Variants in RANBP2 observed in about 807,000 individuals in gnomAD.
RANBP2 encodes E3 SUMO-protein ligase RanBP2.
In RANBP2, 57 loss-of-function variants were observed where a neutral mutation model predicts 303.6. The ratio of observed to expected loss-of-function variants is 0.19; its 90% CI spans 0.15 to 0.23. RANBP2 has a LOEUF of 0.23. RANBP2 is among the 10% of genes least tolerant of loss of function. RANBP2 has a pLI of 1.00. For synonymous variants in RANBP2, 1,167 were observed against 1,301.5 expected (o/e 0.90, Z 2.23); for missense variants, 3,138 against 3,780.8 (o/e 0.83, Z 4.46).
chr2:109,075,579 C>CAAAAAAAA, the RANBP2 span, among the ~76,000 whole-genome samples: 6 of 109,690 alleles, frequency 5.5e-5, no homozygotes, highest in South Asian at 3.3e-4. Flanking sequence ...CTTAGACAAA[C>CAAAAAAAA]AAAAAAAAAA....
At chr2:108,749,400 T>C (rs540912078) in intron 9 of RANBP2, among the ~76,000 whole-genome samples, 200 of 152,196 alleles carry the variant, frequency 1.3e-3, no homozygotes, top group Non-Finnish European at 1.8e-3. Context: ...CAGGTTCAAG[T>C]GATTCTGCTG....
At chr2:109,096,446 T>G in the RANBP2 span, among the ~76,000 whole-genome samples, 2 of 152,246 alleles carry the variant, frequency 1.3e-5, no homozygotes, top group Non-Finnish European at 2.9e-5. Flanking sequence ...TCTTTGACTG[T>G]GGCTGCCCTA....
At chr2:109,535,589 C>A in the RANBP2 span, among the ~76,000 whole-genome samples, 1 of 152,154 alleles carries the variant, frequency 6.6e-6, no homozygotes, top group African/African-American at 2.4e-5. Context: ...GGTGATGCTA[C>A]CTGTAGGGGC....
chr2:109,078,155 G>A, the RANBP2 span, among the ~76,000 whole-genome samples: 10 of 93,030 alleles, frequency 1.1e-4, no homozygotes, highest in Admixed American at 3.3e-4. Flanking sequence ...TATATAGCAT[G>A]TATATATATA....
At chr2:108,824,885 C>T in the RANBP2 span, among the ~76,000 whole-genome samples, 8 of 152,016 alleles carry the variant, frequency 5.3e-5, no homozygotes, top group African/African-American at 1.9e-4. Flanking sequence ...CTCATGGGAC[C>T]AGCATTGTTA....
chr2:108,986,834 G>T, the RANBP2 span, among the ~76,000 whole-genome samples: 14 of 152,174 alleles, frequency 9.2e-5, no homozygotes, highest in Admixed American at 2.6e-4. Context: ...AGAATCGTAG[G>T]CATTGAGATG....
the RANBP2 span, among the ~76,000 whole-genome samples, chr2:109,715,817 T>G: frequency 6.6e-6 from 1 of 152,166 alleles, no homozygotes; most frequent in South Asian, 2.1e-4. Flanking sequence ...GCCCCAGCCA[T>G]TTGAGCTATG....
chr2:109,711,683 T>C, the RANBP2 span, among the ~76,000 whole-genome samples: 1 of 152,154 alleles, frequency 6.6e-6, no homozygotes, highest in Non-Finnish European at 1.5e-5. Context: ...TGTCCTGGCC[T>C]CTGCCTGAAA....
chr2:109,447,054 G>A, the RANBP2 span, among the ~76,000 whole-genome samples: 1 of 150,682 alleles, frequency 6.6e-6, no homozygotes, highest in African/African-American at 2.4e-5. Context: ...GGATCTGCGT[G>A]ATTGCCTGAC....
chr2:109,420,282 C>CA, the RANBP2 span, among the ~76,000 whole-genome samples: 4 of 152,172 alleles, frequency 2.6e-5, no homozygotes, highest in African/African-American at 9.7e-5. Context: ...TGGCAGAGCT[C>CA]AGTCACTTGA....
At chr2:109,627,844 C>T in the RANBP2 span, among the ~76,000 whole-genome samples, 1 of 152,236 alleles carries the variant, frequency 6.6e-6, no homozygotes, top group African/African-American at 2.4e-5. Context: ...GGTCTATTCT[C>T]ATTGCTATAT....
At chr2:109,167,074 G>A in the RANBP2 span, among the ~76,000 whole-genome samples, 1 of 152,196 alleles carries the variant, frequency 6.6e-6, no homozygotes, top group African/African-American at 2.4e-5. Flanking sequence ...AGGCCAGTGG[G>A]AACCCAGAAG....
chr2:109,703,474 G>A, the RANBP2 span, among the ~76,000 whole-genome samples: 1 of 152,184 alleles, frequency 6.6e-6, no homozygotes, highest in African/African-American at 2.4e-5. Context: ...TGTCGCCCAG[G>A]CTGGAGTGCA....
the RANBP2 span, among the ~76,000 whole-genome samples, chr2:109,474,283 G>A: frequency 2.6e-5 from 4 of 152,198 alleles, no homozygotes; most frequent in Non-Finnish European, 5.9e-5. Flanking sequence ...AAGAGCTGAA[G>A]TTTTGAGCCG....
chr2:109,565,938 A>G, the RANBP2 span: 1 of 1,251,708 alleles, frequency 8.0e-7, no homozygotes, highest in East Asian at 2.3e-5. Flanking sequence ...GTGAGAGAGA[A>G]GAGAATAATT....
the RANBP2 span, chr2:108,798,453 T>C: frequency 6.2e-7 from 1 of 1,613,470 alleles, no homozygotes; most frequent in African/African-American, 1.3e-5. Context: ...CAACAGAAAT[T>C]TGCTGAAGAA....
At chr2:109,652,292 G>A in the RANBP2 span, among the ~76,000 whole-genome samples, 6,273 of 150,832 alleles carry the variant, frequency 0.042, 253 homozygotes, top group East Asian at 0.17. Context: ...GCGCCATCTC[G>A]GCTCACTGCA....
At chr2:109,016,772 G>T in the RANBP2 span, among the ~76,000 whole-genome samples, 1 of 152,370 alleles carries the variant, frequency 6.6e-6, no homozygotes, top group African/African-American at 2.4e-5. Context: ...GAGAATAAAT[G>T]ATTATGTGAA....
chr2:109,558,276 A>G, the RANBP2 span, among the ~76,000 whole-genome samples: 1 of 152,226 alleles, frequency 6.6e-6, no homozygotes, highest in African/African-American at 2.4e-5. Context: ...AACTTTTTCC[A>G]AGTCTACTAT....
Sources: gnomAD v4.1 joint callset for allele counts (sites outside exome capture counted in the v4.1 genomes callset) on GRCh38, gnomAD v4.1.1 for gene constraint, MANE v1.5 for transcripts, NCBI Gene and HGNC (gene_info 2026-07-23, HGNC 2026-07-21) for gene names.